The following TRMT11 variants were observed in gnomAD, a reference collection of about 807,000 sequenced individuals.
TRMT11 encodes the protein tRNA methyltransferase 11.
In TRMT11, 53 loss-of-function variants were observed where a neutral mutation model predicts 62.8. The ratio of observed to expected loss-of-function variants is 0.84; its 90% CI spans 0.68 to 1.06. TRMT11 has a LOEUF of 1.06. Among genes scored for constraint, TRMT11 ranks in the 50% least tolerant of loss-of-function variants. The probability of loss-of-function intolerance (pLI) is 0.00; values close to 1 mark genes in which losing one functional copy is unlikely to be tolerated. For missense variants in TRMT11, 556 were observed against 553.4 expected, an observed-to-expected ratio of 1.00 and a Z score of -0.05; for synonymous variants, 188 against 190.3, an observed-to-expected ratio of 0.99 and a Z score of 0.10.
intron 16 of TRMT11, among the ~76,000 whole-genome samples, chr6:126,049,690 T>A (rs1186849395): frequency 6.6e-6 from 1 of 152,202 alleles, no homozygotes; most frequent in Non-Finnish European, 1.5e-5. Flanking sequence ...ATGAATTAAG[T>A]ACACAGGAGA....
intron 12 of TRMT11, among the ~76,000 whole-genome samples, chr6:126,031,309 T>C (rs1225897943): frequency 6.6e-6 from 1 of 152,210 alleles, no homozygotes; most frequent in East Asian, 1.9e-4. Flanking sequence ...CTTAATTACC[T>C]GTTCCTTGAG....
At chr6:126,017,857 A>G (rs1455413456) in intron 11 of TRMT11, among the ~76,000 whole-genome samples, 1 of 152,230 alleles carries the variant, frequency 6.6e-6, no homozygotes, top group Non-Finnish European at 1.5e-5. Context: ...TCATGTGTAC[A>G]GGGCATCAAT....
chr6:126,138,904 G>A (rs186595579), intron 21 of TRMT11, among the ~76,000 whole-genome samples: 167 of 151,954 alleles, frequency 1.1e-3, no homozygotes, highest in Non-Finnish European at 7.1e-4. Flanking sequence ...ATATGTATTT[G>A]TATAAATATA....
chr6:126,166,339 C>G (rs1231280579), intron 21 of TRMT11, among the ~76,000 whole-genome samples: 1 of 152,084 alleles, frequency 6.6e-6, no homozygotes, highest in African/African-American at 2.4e-5. Flanking sequence ...ATCCTTTTTG[C>G]TGATGTTGAT....
At chr6:126,240,177 G>A in the TRMT11 span, among the ~76,000 whole-genome samples, 2 of 152,146 alleles carry the variant, frequency 1.3e-5, no homozygotes, top group Admixed American at 1.3e-4. Context: ...GCTTGGAGAA[G>A]TTTGATCGTT....
chr6:126,133,340 G>A (rs1232497469), intron 21 of TRMT11, among the ~76,000 whole-genome samples: 1 of 151,944 alleles, frequency 6.6e-6, no homozygotes, highest in Non-Finnish European at 1.5e-5. Flanking sequence ...ATGGATAAAA[G>A]CAAGGTTAAA....
intron 12 of TRMT11, among the ~76,000 whole-genome samples, chr6:126,031,255 A>G (rs930000955): frequency 1.2e-4 from 19 of 152,208 alleles, no homozygotes; most frequent in African/African-American, 4.6e-4. Context: ...AACAATTTTT[A>G]CATTCATATA....
At chr6:126,115,591 T>A (rs1350454593) in intron 20 of TRMT11, among the ~76,000 whole-genome samples, 1 of 152,112 alleles carries the variant, frequency 6.6e-6, no homozygotes, top group Non-Finnish European at 1.5e-5. Flanking sequence ...TAATCAGAAG[T>A]AAAGCAATTA....
rs1482896329 is a variant in TRMT11 at position 126,036,557 on chromosome 6, A to T, written c.1261-2148A>T. On this transcript the variant is annotated intron_variant, in intron 12 of 12. Transcript: ENST00000334379. Reference sequence around the variant, plus strand: ...AAATCTGAGAAGAGGGATTTGACGCAGGTTTCTGATTTTGATGACTGGATG... The same window carrying T: ...AAATCTGAGAAGAGGGATTTGACGCTGGTTTCTGATTTTGATGACTGGATG... Among the ~76,000 whole-genome samples, 7 of 152,208 alleles carry T rather than the reference A, an allele frequency of 4.6e-5. No individual in the cohort carries two copies. In the East Asian group the frequency reaches 1.4e-3, roughly 29 times the overall value.
chr6:126,131,637 C>T (rs1356412219), intron 21 of TRMT11, among the ~76,000 whole-genome samples: 2 of 151,998 alleles, frequency 1.3e-5, no homozygotes, highest in Non-Finnish European at 1.5e-5. Context: ...TCCTGTCCCA[C>T]CCACCCCACT....
intron 12 of TRMT11, among the ~76,000 whole-genome samples, chr6:126,029,273 A>T (rs1302556513): frequency 6.6e-6 from 1 of 152,172 alleles, no homozygotes; most frequent in Non-Finnish European, 1.5e-5. Context: ...ATAAGACATA[A>T]ATGTACACTT....
chr6:126,211,652 T>C, the TRMT11 span, among the ~76,000 whole-genome samples: 1 of 151,582 alleles, frequency 6.6e-6, no homozygotes, highest in Non-Finnish European at 1.5e-5. Flanking sequence ...TTTTAATTTT[T>C]GTGGGTACAT....
At chr6:126,114,649 G>A (rs1188408129) in intron 18 of TRMT11, among the ~76,000 whole-genome samples, 2 of 152,158 alleles carry the variant, frequency 1.3e-5, no homozygotes, top group Non-Finnish European at 1.5e-5. Context: ...AACAAATGAG[G>A]TCTTTTCTGT....
Position 126,116,400 on chromosome 6 carries a change from G to C in TRMT11, c.*1823+545G>C, listed in dbSNP as rs1777587366. Among the ~76,000 whole-genome samples, 3 of 152,052 alleles carry C rather than the reference G, an allele frequency of 2.0e-5. No individual in the cohort carries two copies. The South Asian group carries it at 6.2e-4, about 32-fold the overall frequency. ...GAGAGTATTAATCAGAGATAAATGG[G>C]AAGTAAGTAATAGTCTATAGTAATC... On this transcript the variant is annotated intron_variant and NMD_transcript_variant, in intron 21 of 22. Transcript: ENST00000648977.
chr6:126,220,724 T>C, the TRMT11 span, among the ~76,000 whole-genome samples: 3 of 152,192 alleles, frequency 2.0e-5, no homozygotes, highest in South Asian at 4.1e-4. Flanking sequence ...CAAATTTATG[T>C]TCTAAATTTT....
Position 125,986,621 on chromosome 6 carries a change from C to T in TRMT11, c.71C>T (p.Pro24Leu). 3 of 1,580,816 alleles carry T rather than the reference C, an allele frequency of 1.9e-6. No individual in the cohort carries two copies. Among genetic ancestry groups the T allele is most frequent in the South Asian group, 2.3e-5 (2 of 86,376 alleles). The stretch of plus-strand genomic sequence containing the variant: ...CAGGAGCATCTGGAGTTCCGCCTGC[C>T]GGTGAGTCCGTAGCGCCCTCCGGAA... ...MAQEHLEFRL[P>L]EIKSLLLLFG... The change falls in exon 1 of 13, where the codon CCG becomes CTG. Residue 24 changes from proline to leucine, a missense_variant and splice_region_variant. Coordinates refer to ENST00000334379, the MANE Select transcript of TRMT11 (RefSeq NM_001031712.3).
chr6:126,029,500 A>C (rs1164496829), intron 12 of TRMT11, among the ~76,000 whole-genome samples: 1 of 152,108 alleles, frequency 6.6e-6, no homozygotes, highest in African/African-American at 2.4e-5. Context: ...TAAGCAATAT[A>C]GGTTTGCCTG....
upstream of TRMT11, among the ~76,000 whole-genome samples, chr6:126,172,285 G>A (rs1345217225): frequency 6.6e-6 from 1 of 152,076 alleles, no homozygotes; most frequent in East Asian, 1.9e-4. Flanking sequence ...ATCGACAAAG[G>A]GAGGTACTTA....
the TRMT11 span, among the ~76,000 whole-genome samples, chr6:126,242,896 AC>A: frequency 6.6e-6 from 1 of 152,186 alleles, no homozygotes; most frequent in Non-Finnish European, 1.5e-5. Flanking sequence ...TGTCTAAAAC[AC>A]CAAAAGCAAT....
Sources: allele counts gnomAD v4.1 joint callset (sites outside exome capture counted in the v4.1 genomes callset), GRCh38; gene constraint gnomAD v4.1.1; transcripts MANE v1.5; gene names NCBI Gene and HGNC (gene_info 2026-07-23, HGNC 2026-07-21).